CPVL: variants seen among roughly 807,000 people sequenced by gnomAD.
CPVL encodes carboxypeptidase vitellogenic like.
A neutral mutation model predicts 63.7 loss-of-function variants in CPVL; 51 were observed. The ratio of observed to expected loss-of-function variants is 0.80; its 90% CI spans 0.64 to 1.01. The LOEUF (loss-of-function observed/expected upper bound fraction) is 1.01. Among genes scored for constraint, CPVL ranks in the 50% least tolerant of loss-of-function variants. CPVL has a pLI of 0.00. For synonymous variants in CPVL, 195 were observed against 206.0 expected (o/e 0.95, Z 0.46); for missense variants, 530 against 573.1 (o/e 0.92, Z 0.77).
intron 3 of CPVL, among the ~76,000 whole-genome samples, chr7:29,099,790 G>A (rs1189812878): frequency 6.6e-6 from 1 of 152,184 alleles, no homozygotes; most frequent in Non-Finnish European, 1.5e-5. Flanking sequence ...TGGAAGCAGA[G>A]TGAGCCGTGG....
At chr7:29,144,559 A>G (rs528370743) in intron 1 of CPVL, among the ~76,000 whole-genome samples, 1 of 152,288 alleles carries the variant, frequency 6.6e-6, no homozygotes, top group East Asian at 1.9e-4. Context: ...CTTGTCTCAA[A>G]AAAAGAAAGA....
At chr7:29,188,543 A>T (rs1373710317) in intron 1 of CPVL, among the ~76,000 whole-genome samples, 3 of 151,014 alleles carry the variant, frequency 2.0e-5, no homozygotes, top group African/African-American at 4.9e-5. Context: ...TTTTTTTTTA[A>T]AAAAAAGAGG....
At chr7:29,161,282 T>C (rs1343971198) in intron 5 of CPVL, among the ~76,000 whole-genome samples, 2 of 152,176 alleles carry the variant, frequency 1.3e-5, no homozygotes, top group African/African-American at 4.8e-5. Flanking sequence ...CCAGTCCCCT[T>C]TGAACCCCGT....
rs778757980 is a variant in CPVL, at chr7:29,123,597, G to GAAAA, written c.-10-2530_-10-2527dup. Among the ~76,000 whole-genome samples the GAAAA allele has an allele frequency of 4.1e-4, 17 of 41,262 alleles. 3 individuals carry two copies. Among genetic ancestry groups the GAAAA allele is most frequent in the Admixed American group, 9.3e-4 (2 of 2,162 alleles). 27.1% of individuals were successfully genotyped at this position (41,262 alleles called of 152,430 possible). A position where few individuals can be genotyped will look rare whatever the true frequency, so the allele number is the denominator to read the frequency against. ...ACAATCTTACTCTCTAACTGGTTCA[G>GAAAA]AAAAAAAAAAAAAAAAAAAAAAAAA... On this transcript the variant is annotated intron_variant, in intron 1 of 12. Coordinates refer to ENST00000265394, the MANE Select transcript of CPVL (RefSeq NM_031311.5).
intron 1 of CPVL, chr7:29,128,158 A>G (rs1790243990): frequency 6.8e-6 from 1 of 146,000 alleles, no homozygotes; most frequent in African/African-American, 2.6e-5. Flanking sequence ...CAATAAAAAA[A>G]CAACAAAAAG....
chr7:29,137,867 T>C (rs111521508), intron 1 of CPVL, among the ~76,000 whole-genome samples: 1 of 152,170 alleles, frequency 6.6e-6, no homozygotes, highest in African/African-American at 2.4e-5. Context: ...AGTGGAGAAA[T>C]AGGATGGAAT....
chr7:29,090,640 CAGA>C (rs1460196634), intron 6 of CPVL, among the ~76,000 whole-genome samples: 5 of 152,106 alleles, frequency 3.3e-5, no homozygotes, highest in Non-Finnish European at 5.9e-5. Context: ...TAAACAATGG[CAGA>C]AGGAGATTGG....
intron 5 of CPVL, among the ~76,000 whole-genome samples, chr7:29,177,983 G>C (rs1199919800): frequency 2.0e-5 from 3 of 152,022 alleles, no homozygotes; most frequent in Non-Finnish European, 4.4e-5. Context: ...CACAGCAAGT[G>C]GCACCACCAG....
At chr7:29,053,504 T>A (rs1269268687) in intron 11 of CPVL, among the ~76,000 whole-genome samples, 1 of 152,224 alleles carries the variant, frequency 6.6e-6, no homozygotes, top group African/African-American at 2.4e-5. Context: ...CTGCACAATT[T>A]CATTTATAAG....
At chr7:29,113,057 A>G in intron 2 of CPVL, 1 of 438,966 alleles carries the variant, frequency 2.3e-6, no homozygotes, top group Admixed American at 3.4e-5. Flanking sequence ...AGGGGTGCCC[A>G]AATATATTTT....
At chr7:29,068,496 C>A (rs377543348) in intron 9 of CPVL, among the ~76,000 whole-genome samples, 2 of 152,020 alleles carry the variant, frequency 1.3e-5, no homozygotes, top group Non-Finnish European at 2.9e-5. Flanking sequence ...CAGCTCCATG[C>A]GATGCCTGTG....
intron 11 of CPVL, among the ~76,000 whole-genome samples, chr7:29,050,397 C>T (rs1790024769): frequency 1.9e-5 from 2 of 106,352 alleles, no homozygotes; most frequent in Middle Eastern, 4.5e-3. Flanking sequence ...ACCCCTTTTA[C>T]GATAGCTGCA....
At chr7:29,068,734 AC>A (rs1464231505) in intron 9 of CPVL, among the ~76,000 whole-genome samples, 1 of 135,474 alleles carries the variant, frequency 7.4e-6, no homozygotes, top group African/African-American at 2.8e-5. Context: ...TCGCTCTGTC[AC>A]CCAGGCTGGA....
intron 10 of CPVL, among the ~76,000 whole-genome samples, chr7:29,065,639 T>C (rs13227603): frequency 0.014 from 2,174 of 152,272 alleles, 26 homozygotes; most frequent in Non-Finnish European, 0.023. Flanking sequence ...TATCCAAGCG[T>C]CTTAAGTACA....
chr7:29,141,639 G>A (rs561739643), intron 1 of CPVL, among the ~76,000 whole-genome samples: 184 of 152,136 alleles, frequency 1.2e-3, no homozygotes, highest in Non-Finnish European at 2.1e-3. Context: ...TACCTTGGCC[G>A]GGCGTTGTGG....
intron 11 of CPVL, among the ~76,000 whole-genome samples, chr7:29,051,995 G>A (rs942136075): frequency 3.3e-5 from 5 of 150,662 alleles, no homozygotes; most frequent in African/African-American, 4.9e-5. Context: ...ATGAATTAAC[G>A]GCATTTGCAG....
At position 29,100,210 on chromosome 7, in the gene CPVL, G is replaced by A. The variant is rs150328772; in HGVS notation, c.289-3993C>T. 1.3e-3 allele frequency among the ~76,000 whole-genome samples: 196 copies of A among 152,248 alleles called. 2 individuals carry two copies. The highest frequency in any genetic ancestry group is 4.5e-3 in the African/African-American group (186 of 41,530). On this transcript the variant is annotated intron_variant, in intron 3 of 12. Coordinates refer to ENST00000265394, the MANE Select transcript of CPVL (RefSeq NM_031311.5). ...TGCTGCGAGTCCAACTGATTCCAGC[G>A]GATATCCAGCCCCACTTCCTTCCTA...
intron 12 of CPVL, among the ~76,000 whole-genome samples, chr7:29,029,400 C>T (rs1208010871): frequency 4.6e-5 from 7 of 152,158 alleles, no homozygotes; most frequent in East Asian, 3.8e-4. Context: ...TGGAATCACC[C>T]TAAGTGTCCA....
At chr7:29,071,714 C>CCCA in intron 9 of CPVL, 59 bp downstream of exon 9, 1 of 692,686 alleles carries the variant, frequency 1.4e-6, no homozygotes, top group Non-Finnish European at 2.3e-6. Flanking sequence ...TGCTCACCCG[C>CCCA]CCTCCCTCCC....
Sources: allele counts gnomAD v4.1 joint callset (sites outside exome capture counted in the v4.1 genomes callset), GRCh38; gene constraint gnomAD v4.1.1; transcripts MANE v1.5; gene names NCBI Gene and HGNC (gene_info 2026-07-23, HGNC 2026-07-21).